CARM1: variants seen among roughly 807,000 people sequenced by gnomAD.
CARM1 encodes coactivator associated arginine methyltransferase 1.
Under a neutral mutation model 72.7 loss-of-function variants are expected in CARM1, and 14 were observed. The observed-to-expected ratio is 0.19, with a 90% CI of 0.13 to 0.30. CARM1 has a LOEUF of 0.30. Among genes scored for constraint, CARM1 ranks in the 10% least tolerant of loss-of-function variants. The pLI, the probability that CARM1 is intolerant of heterozygous loss-of-function variation, is 1.00. For missense variants in CARM1, 432 were observed against 833.7 expected (o/e 0.52, Z 5.93); for synonymous variants, 333 against 345.5 (o/e 0.96, Z 0.40).
intron 1 of CARM1, among the ~76,000 whole-genome samples, chr19:10,902,296 T>C (rs928161111): frequency 1.1e-4 from 16 of 146,602 alleles, no homozygotes; most frequent in East Asian, 6.0e-4. Context: ...GTTTCTTTTT[T>C]TTTTTTTTTT....
At chr19:10,904,815 C>T in intron 1 of CARM1, 136 bp from the exon 2 acceptor site, 2 of 1,149,150 alleles carry the variant, frequency 1.7e-6, no homozygotes, top group Non-Finnish European at 2.5e-6. Flanking sequence ...GGCAATGCTG[C>T]CAGGGTGGTT....
chr19:10,889,441 A>G (rs146060423), intron 1 of CARM1, among the ~76,000 whole-genome samples: 411 of 150,876 alleles, frequency 2.7e-3, no homozygotes, highest in Non-Finnish European at 4.4e-3. Flanking sequence ...CAGCCTCCCA[A>G]GTAGCTGGGA....
chr19:10,913,828 C>A (rs577407341), intron 5 of CARM1, 49 bp from the exon 6 acceptor site: 1 of 1,578,130 alleles, frequency 6.3e-7, no homozygotes, highest in South Asian at 1.2e-5. Context: ...AGGGAGGGCC[C>A]CATGGCAGGA....
At chr19:10,903,937 C>T (rs1159765758) in intron 1 of CARM1, among the ~76,000 whole-genome samples, 1 of 152,144 alleles carries the variant, frequency 6.6e-6, no homozygotes, top group Non-Finnish European at 1.5e-5. Flanking sequence ...CTCCTGGGTT[C>T]AAGTGATCCT....
intron 4 of CARM1, 41 bp downstream of exon 4, chr19:10,909,248 T>C: frequency 2.3e-6 from 3 of 1,313,436 alleles, no homozygotes. Flanking sequence ...TGCTTCTGTC[T>C]CGGTTTTTTT....
rs2033738792 is a variant in CARM1 at position 10,923,053 on chromosome 19, A to T, written c.*1296A>T. 2.1e-6 allele frequency: 1 copy of T among 483,870 alleles called. No individual in the cohort carries two copies. Among genetic ancestry groups the T allele is most frequent in the Non-Finnish European group, 3.6e-6 (1 of 276,562 alleles). The allele number at this position is 483,870 out of a possible 1,614,324, so 30.0% of individuals were successfully genotyped here. A position where few individuals can be genotyped will look rare whatever the true frequency, so the allele number is the denominator to read the frequency against. ...CTGAATCACCTTTGCATAGAAAATA[A>T]AAGTGTTTGCTTTGTAAGAAAAGTC... On this transcript the variant is annotated 3_prime_UTR_variant, in exon 16 of 16. Transcript: ENST00000327064.
chr19:10,912,607 C>T lies in CARM1; in HGVS notation c.669+313C>T. Among the ~76,000 whole-genome samples the T allele has an allele frequency of 6.6e-6, 1 of 151,714 alleles. No individual in the cohort carries two copies. The highest frequency in any genetic ancestry group is 1.5e-5 in the Non-Finnish European group (1 of 67,912). On this transcript the variant is annotated intron_variant, in intron 5 of 15. Transcript: ENST00000327064. The surrounding 1 kb of genome is among the most constrained non-coding windows in gnomAD (Gnocchi z 4.5). Reference sequence around the variant, plus strand: ...GCAGACAGCGTGCTCTCCTTCCCCACCCCAGCTCCCACCCCCAGCCCCATC... The same window carrying T: ...GCAGACAGCGTGCTCTCCTTCCCCATCCCAGCTCCCACCCCCAGCCCCATC...
rs757004767 is a variant in CARM1 at position 10,921,062 on chromosome 19, C to T, written c.1550C>T (p.Ala517Val). The stretch of plus-strand genomic sequence containing the variant: ...TCTCTGGACACAGGGATGCCGACCG[C>T]CTATGACTTGAGCAGTGTTATTGCC... The part of the protein sequence containing the change: ...SGMAVAGMPT[A>V]YDLSSVIASG... Residue 517 changes from alanine to valine, a missense_variant, in exon 14 of 16, where the codon GCC becomes GTC. Around this residue, in one of 3 missense-constraint regions of CARM1, gnomAD observed 142 missense variants for 188.7 expected, o/e 0.75. Transcript: ENST00000327064. 1 of 1,614,172 alleles carries T rather than the reference C, an allele frequency of 6.2e-7. No homozygotes were observed. The highest frequency in any genetic ancestry group is 8.5e-7 in the Non-Finnish European group (1 of 1,179,986).
intron 2 of CARM1, among the ~76,000 whole-genome samples, chr19:10,905,696 G>A (rs902382304): frequency 1.3e-5 from 2 of 152,128 alleles, no homozygotes; most frequent in South Asian, 2.1e-4. Context: ...GAGAGGCTGC[G>A]TGCCCATGAG....
At chr19:10,874,259 T>C (rs1309756949) in intron 1 of CARM1, among the ~76,000 whole-genome samples, 1 of 152,110 alleles carries the variant, frequency 6.6e-6, no homozygotes, top group Non-Finnish European at 1.5e-5. Flanking sequence ...CCGGAAACAT[T>C]CATAAAAAGG....
In CARM1 at chr19:10,915,711, G is replaced by C. The variant is rs1175267875; in HGVS notation, c.848-696G>C. ...CCTCCCCCAGCTTGCAAGGCTGGGG[G>C]GCCCACATCTGGAGGCCAGGTGCTC... On this transcript the variant is annotated intron_variant, in intron 6 of 15. Transcript: ENST00000327064. The surrounding 1 kb of genome is among the most constrained non-coding windows in gnomAD (Gnocchi z 4.6). Among the ~76,000 whole-genome samples the C allele has an allele frequency of 6.6e-6, 1 of 152,188 alleles. No individual in the cohort carries two copies. Among genetic ancestry groups the C allele is most frequent in the East Asian group, 1.9e-4 (1 of 5,176 alleles).
In CARM1 at chr19:10,899,033, GTT is replaced by G. The variant is rs34563725; in HGVS notation, c.221-5899_221-5898del. ...CAAAGAGAGGAACACGGCTTAGCTT[GTT>G]TTTTTTTTTTTTTTTTTTGGTTTGT... On this transcript the variant is annotated intron_variant, in intron 1 of 15. Transcript: ENST00000327064. Among the ~76,000 whole-genome samples the G allele has an allele frequency of 5.2e-4, 61 of 117,422 alleles. No homozygotes were observed. In the South Asian group the frequency reaches 6.6e-3, roughly 13 times the overall value. 77.0% of individuals were successfully genotyped at this position (117,422 alleles called of 152,430 possible). A position where few individuals can be genotyped will look rare whatever the true frequency, so the allele number is the denominator to read the frequency against.
At chr19:10,901,959 A>G (rs925240766) in intron 1 of CARM1, among the ~76,000 whole-genome samples, 2 of 149,746 alleles carry the variant, frequency 1.3e-5, no homozygotes, top group Admixed American at 6.7e-5. Flanking sequence ...AAGAAAATAT[A>G]TAGGCCGGGC....
intron 1 of CARM1, among the ~76,000 whole-genome samples, chr19:10,874,771 CA>C (rs2073850353): frequency 2.6e-5 from 4 of 152,284 alleles, no homozygotes; most frequent in Admixed American, 2.6e-4. Context: ...CCTGTAATCC[CA>C]GCACTTTGAG....
At chr19:10,905,101 G>T (rs1457702139) in intron 2 of CARM1, 25 bp downstream of exon 2, 2 of 1,610,134 alleles carry the variant, frequency 1.2e-6, no homozygotes. Context: ...TTCCATTCCG[G>T]TGACACCAGC....
chr19:10,916,584 T>C lies in CARM1; in HGVS notation c.938+87T>C. 1 of 1,411,374 alleles carries C rather than the reference T, an allele frequency of 7.1e-7. No individual in the cohort carries two copies. The highest frequency in any genetic ancestry group is 2.3e-5 in the East Asian group (1 of 42,616). The allele number at this position is 1,411,374 out of a possible 1,614,324, so 87.4% of individuals were successfully genotyped here. On this transcript the variant is annotated intron_variant, in intron 7 of 15. Transcript: ENST00000327064. The surrounding 1 kb of genome is among the most constrained non-coding windows in gnomAD (Gnocchi z 4.4). The stretch of plus-strand genomic sequence containing the variant: ...GCTCCCCAGAGAGCCTGCACTCCTC[T>C]TTTTCTGAAAGACTTGGGCTAGATG...
Position 10,912,072 on chromosome 19 carries a change from C to A in CARM1, c.559-112C>A, listed in dbSNP as rs2074155004. 7.3e-6 allele frequency: 6 copies of A among 821,194 alleles called. 1 individual carries two copies. In the Admixed American group the frequency reaches 8.6e-5, roughly 12 times the overall value. 50.9% of individuals were successfully genotyped at this position (821,194 alleles called of 1,614,324 possible). On this transcript the variant is annotated intron_variant, in intron 4 of 15. Transcript: ENST00000327064. The surrounding 1 kb of genome is among the most constrained non-coding windows in gnomAD (Gnocchi z 4.5). ...TGACCAAGAGCCCATAAAGGGCAAA[C>A]ATTGAGAGTGAAGACAGACGCCTCA...
rs2074244298 is a variant in CARM1, at chr19:10,921,240, C to T, written c.1615+113C>T. On this transcript the variant is annotated intron_variant, in intron 14 of 15. Transcript: ENST00000327064. Reference sequence around the variant, plus strand: ...CCTCTGCTTGGTCCTTTCACCTTTTCCTCTTCCTGGGGGCTCTCGGCCGAG... The same window carrying T: ...CCTCTGCTTGGTCCTTTCACCTTTTTCTCTTCCTGGGGGCTCTCGGCCGAG... The T allele has an allele frequency of 4.2e-6, 6 of 1,433,180 alleles. No individual in the cohort carries two copies. In the East Asian group the frequency reaches 6.8e-5, roughly 16 times the overall value. The allele number at this position is 1,433,180 out of a possible 1,614,324, so 88.8% of individuals were successfully genotyped here.
At position 10,912,174 on chromosome 19, in the gene CARM1, C is replaced by T. The variant is rs2145232681; in HGVS notation, c.559-10C>T. ...CTATGTCTCGCTCTCACCTCCCACT[C>T]CTCCCTCAGATCGTTCTTGATGTTG... On this transcript the variant is annotated splice_polypyrimidine_tract_variant and intron_variant, in intron 4 of 15. Coordinates refer to ENST00000327064, the MANE Select transcript of CARM1 (RefSeq NM_199141.2). This position sits in a 1 kb window ranked among gnomAD's most constrained non-coding sequence, Gnocchi z 4.5. 1 of 1,610,314 alleles carries T rather than the reference C, an allele frequency of 6.2e-7. No homozygotes were observed. The highest frequency in any genetic ancestry group is 8.5e-7 in the Non-Finnish European group (1 of 1,176,502).
Sources: allele counts gnomAD v4.1 joint callset (sites outside exome capture counted in the v4.1 genomes callset), GRCh38; gene constraint gnomAD v4.1.1; regional missense constraint gnomAD v4.1.1; non-coding constraint Gnocchi (gnomAD v3.1); transcripts MANE v1.5; gene names NCBI Gene and HGNC (gene_info 2026-07-23, HGNC 2026-07-21).